The following PARD3B variants were observed in gnomAD, a reference collection of about 807,000 sequenced individuals.
PARD3B encodes the protein par-3 family cell polarity regulator beta.
Under a neutral mutation model 130.2 loss-of-function variants are expected in PARD3B, and 103 were observed. That is an observed-to-expected ratio of 0.79 (90% CI 0.67 to 0.93). The LOEUF is 0.93. Among genes scored for constraint, PARD3B ranks in the 40% least tolerant of loss-of-function variants. The pLI is 0.00. For missense variants in PARD3B, 1,609 were observed against 1,499.2 expected, an observed-to-expected ratio of 1.07 and a Z score of -1.21; for synonymous variants, 583 against 553.2, an observed-to-expected ratio of 1.05 and a Z score of -0.76.
chr2:204,547,045 C>G (rs1574436832), intron 1 of PARD3B, among the ~76,000 whole-genome samples: 1 of 152,268 alleles, frequency 6.6e-6, no homozygotes, highest in East Asian at 1.9e-4. Flanking sequence ...CAGGGCAAGT[C>G]ACAAATTCTT....
At chr2:204,598,819 G>C (rs2033398513) in intron 1 of PARD3B, among the ~76,000 whole-genome samples, 1 of 151,676 alleles carries the variant, frequency 6.6e-6, no homozygotes, top group African/African-American at 2.4e-5. Flanking sequence ...GGATCTACTA[G>C]ATCAATGGAT....
chr2:205,225,507 C>A (rs1049122110), intron 15 of PARD3B, among the ~76,000 whole-genome samples: 23 of 151,998 alleles, frequency 1.5e-4, no homozygotes, highest in Non-Finnish European at 2.9e-5. Context: ...GTTTAATAAT[C>A]CATTTTCAGA....
At chr2:205,074,169 G>A (rs1296115074) in intron 4 of PARD3B, among the ~76,000 whole-genome samples, 1 of 152,096 alleles carries the variant, frequency 6.6e-6, no homozygotes, top group East Asian at 1.9e-4. Flanking sequence ...GAATATTTGT[G>A]TCAAAATGCT....
intron 4 of PARD3B, among the ~76,000 whole-genome samples, chr2:205,086,516 T>G (rs1271021881): frequency 1.3e-5 from 2 of 152,202 alleles, no homozygotes; most frequent in Non-Finnish European, 2.9e-5. Context: ...CTCTGTCAAT[T>G]TTTTTCCCAG....
intron 1 of PARD3B, among the ~76,000 whole-genome samples, chr2:204,602,009 A>G (rs772327490): frequency 6.6e-6 from 1 of 152,042 alleles, no homozygotes; most frequent in Non-Finnish European, 1.5e-5. Flanking sequence ...GGCTAAAACC[A>G]GAGATCATTG....
At chr2:205,018,206 A>C (rs1177694819) in intron 3 of PARD3B, among the ~76,000 whole-genome samples, 2 of 152,136 alleles carry the variant, frequency 1.3e-5, no homozygotes, top group African/African-American at 2.4e-5. Context: ...AAATCTGGAA[A>C]GAAGGAAGGA....
Position 205,596,169 on chromosome 2 carries a change from T to C in PARD3B, c.3261-19287T>C, listed in dbSNP as rs187886410. ...TTTGTAATTACATTAATAACCAGTCTTTACCAACCATGTAATGATCAGCCA... is the reference window on the plus strand; with the variant it reads ...TTTGTAATTACATTAATAACCAGTCCTTACCAACCATGTAATGATCAGCCA... On this transcript the variant is annotated intron_variant, in intron 22 of 22. Coordinates refer to ENST00000406610, the MANE Select transcript of PARD3B (RefSeq NM_001302769.2). Among the ~76,000 whole-genome samples, 3 of 152,270 alleles carry C rather than the reference T, an allele frequency of 2.0e-5. No homozygotes were observed. In the East Asian group the frequency reaches 5.8e-4, roughly 29 times the overall value.
intron 2 of PARD3B, among the ~76,000 whole-genome samples, chr2:204,755,973 A>T (rs2040652815): frequency 6.6e-6 from 1 of 152,120 alleles, no homozygotes; most frequent in Admixed American, 6.6e-5. Context: ...ATTGCTATGT[A>T]TATAAGAGTT....
At chr2:205,156,330 T>G (rs1296128702) in intron 10 of PARD3B, among the ~76,000 whole-genome samples, 15 of 150,998 alleles carry the variant, frequency 9.9e-5, no homozygotes, top group Admixed American at 9.9e-4. Flanking sequence ...AGTTAATGGG[T>G]GCAGCACACC....
At chr2:204,648,320 T>C (rs943916867) in intron 1 of PARD3B, among the ~76,000 whole-genome samples, 8 of 151,176 alleles carry the variant, frequency 5.3e-5, no homozygotes, top group African/African-American at 1.5e-4. Context: ...TTTTGAGCTT[T>C]AAAATATGTA....
chr2:205,619,871 G>A lies in PARD3B; in HGVS notation c.*4058G>A, dbSNP rs1185185067. On this transcript the variant is annotated 3_prime_UTR_variant, in exon 23 of 23. Transcript: ENST00000406610. ...GGGCTCCTTCAGAAAGTGTTCTCCTGTTCCATCTGTAGGGCTGCTTACTAC... is the reference window on the plus strand; with the variant it reads ...GGGCTCCTTCAGAAAGTGTTCTCCTATTCCATCTGTAGGGCTGCTTACTAC... The A allele has an allele frequency of 1.3e-5, 2 of 152,134 alleles. No homozygotes were observed. Among genetic ancestry groups the A allele is most frequent in the African/African-American group, 4.8e-5 (2 of 41,430 alleles). 9.4% of individuals were successfully genotyped at this position (152,134 alleles called of 1,614,324 possible). A position where few individuals can be genotyped will look rare whatever the true frequency, so the allele number is the denominator to read the frequency against.
chr2:204,904,046 A>G (rs114588172), intron 2 of PARD3B, among the ~76,000 whole-genome samples: 6,850 of 152,288 alleles, frequency 0.045, 217 homozygotes, highest in Middle Eastern at 0.092. Context: ...TCTTCCCATC[A>G]GAGTATATTG....
chr2:204,847,162 C>T (rs1288113963), intron 2 of PARD3B, among the ~76,000 whole-genome samples: 1 of 140,570 alleles, frequency 7.1e-6, no homozygotes, highest in East Asian at 2.0e-4. Context: ...TTTTCTGTAA[C>T]TTTCTTTCTT....
At chr2:204,611,539 T>C (rs73984251) in intron 1 of PARD3B, among the ~76,000 whole-genome samples, 2,318 of 152,240 alleles carry the variant, frequency 0.015, 80 homozygotes, top group East Asian at 0.14. Flanking sequence ...ATATAAAAAG[T>C]CTGTTTTAAA....
In PARD3B at chr2:205,397,405, A is replaced by G. The variant is rs74493525; in HGVS notation, c.2631-3608A>G. Among the ~76,000 whole-genome samples, 2,904 of 152,272 alleles carry G rather than the reference A, an allele frequency of 0.019. 87 individuals are homozygous for G. Among genetic ancestry groups the G allele is most frequent in the African/African-American group, 0.065 (2,689 of 41,546 alleles). On this transcript the variant is annotated intron_variant, in intron 18 of 22. Transcript: ENST00000406610. This position sits in a 1 kb window ranked among gnomAD's most constrained non-coding sequence, Gnocchi z 4.8. ...TTGCTAAGAAGAAAATACTTTGCAG[A>G]ATTTACTTTCAACTAACATGTTTTT...
intron 18 of PARD3B, among the ~76,000 whole-genome samples, chr2:205,330,926 G>A (rs1282985577): frequency 6.6e-6 from 1 of 152,078 alleles, no homozygotes; most frequent in Non-Finnish European, 1.5e-5. Flanking sequence ...GCCATTCATG[G>A]GCAAACCTAG....
intron 2 of PARD3B, among the ~76,000 whole-genome samples, chr2:204,843,847 T>C (rs566154180): frequency 1.3e-5 from 2 of 152,286 alleles, no homozygotes; most frequent in South Asian, 4.1e-4. Flanking sequence ...CATTCATACA[T>C]GTTATTCAGA....
At chr2:204,618,141 T>C (rs1312789118) in intron 1 of PARD3B, among the ~76,000 whole-genome samples, 1 of 152,204 alleles carries the variant, frequency 6.6e-6, no homozygotes, top group Non-Finnish European at 1.5e-5. Context: ...ATTGTCTCTT[T>C]TTGCAAAAAC....
chr2:205,337,962 A>G (rs1471640674), intron 18 of PARD3B, among the ~76,000 whole-genome samples: 2 of 151,816 alleles, frequency 1.3e-5, no homozygotes, highest in East Asian at 3.9e-4. Context: ...AGCCTGGTCA[A>G]GGTGGTGAAA....
Sources: allele counts gnomAD v4.1 joint callset (sites outside exome capture counted in the v4.1 genomes callset), GRCh38; gene constraint gnomAD v4.1.1; non-coding constraint Gnocchi (gnomAD v3.1); transcripts MANE v1.5; gene names NCBI Gene and HGNC (gene_info 2026-07-23, HGNC 2026-07-21).